The following PLEKHG1 variants were observed in gnomAD, a reference collection of about 807,000 sequenced individuals.
The protein encoded by PLEKHG1 is pleckstrin homology domain-containing family G member 1.
Under a neutral mutation model 100.8 loss-of-function variants are expected in PLEKHG1, and 44 were observed. The ratio of observed to expected loss-of-function variants is 0.44; its 90% confidence interval spans 0.34 to 0.56. The LOEUF (loss-of-function observed/expected upper bound fraction) is 0.56, where lower values mean the gene tolerates loss of function less well. Among genes scored for constraint, PLEKHG1 ranks in the 20% least tolerant of loss-of-function variants. The probability of loss-of-function intolerance (pLI) is 0.01; values close to 1 mark genes in which losing one functional copy is unlikely to be tolerated. For synonymous variants in PLEKHG1, 640 were observed against 662.5 expected (o/e 0.97, Z 0.52); for missense variants, 1,545 against 1,720.9 (o/e 0.90, Z 1.81).
intron 3 of PLEKHG1, among the ~76,000 whole-genome samples, chr6:150,693,855 T>C (rs1780440855): frequency 6.6e-6 from 1 of 152,228 alleles, no homozygotes; most frequent in Non-Finnish European, 1.5e-5. Flanking sequence ...GGCAGGGACC[T>C]CATGACTACC....
intron 3 of PLEKHG1, among the ~76,000 whole-genome samples, chr6:150,677,809 C>T (rs1057297752): frequency 2.6e-5 from 4 of 151,832 alleles, no homozygotes; most frequent in Admixed American, 1.3e-4. Context: ...CCTGGGAGTT[C>T]AGGGTTACAG....
At chr6:150,675,594 T>C (rs1779727005) in intron 3 of PLEKHG1, among the ~76,000 whole-genome samples, 1 of 152,256 alleles carries the variant, frequency 6.6e-6, no homozygotes, top group Non-Finnish European at 1.5e-5. Flanking sequence ...TTTGTTTTTG[T>C]TTTTGAGACG....
chr6:150,742,367 C>T (rs1212202421), intron 2 of PLEKHG1, among the ~76,000 whole-genome samples: 1 of 152,176 alleles, frequency 6.6e-6, no homozygotes, highest in African/African-American at 2.4e-5. Context: ...GAGTTCAAGA[C>T]CAGCCTGGCC....
At chr6:150,667,135 A>C (rs1005610010) in intron 3 of PLEKHG1, among the ~76,000 whole-genome samples, 25 of 152,086 alleles carry the variant, frequency 1.6e-4, no homozygotes, top group African/African-American at 6.0e-4. Context: ...AGGGATGCCA[A>C]GCTATTTAAA....
intron 2 of PLEKHG1, among the ~76,000 whole-genome samples, chr6:150,754,324 C>G (rs1783694697): frequency 6.6e-6 from 1 of 152,016 alleles, no homozygotes; most frequent in Admixed American, 6.6e-5. Context: ...TGAGGGGGAG[C>G]AAGACAGTGG....
At chr6:150,648,090 A>G (rs1434682284) in intron 2 of PLEKHG1, among the ~76,000 whole-genome samples, 1 of 152,072 alleles carries the variant, frequency 6.6e-6, no homozygotes, top group Admixed American at 6.5e-5. Flanking sequence ...ATTTTTCTGA[A>G]TATGATCTAT....
intron 10 of PLEKHG1, among the ~76,000 whole-genome samples, chr6:150,811,098 C>T (rs1203947073): frequency 2.6e-5 from 4 of 152,044 alleles, no homozygotes; most frequent in Admixed American, 6.6e-5. Context: ...GATACAGATT[C>T]GGCCAAGAAG....
chr6:150,815,742 A>G (rs1026169233), intron 10 of PLEKHG1, among the ~76,000 whole-genome samples: 3 of 152,248 alleles, frequency 2.0e-5, no homozygotes, highest in Non-Finnish European at 4.4e-5. Context: ...TTGTACTGGG[A>G]TATCACAGAT....
At position 150,612,478 on chromosome 6, in the gene PLEKHG1, G is replaced by A. The variant is rs143761464; in HGVS notation, c.-204+12461G>A. 9.9e-5 allele frequency among the ~76,000 whole-genome samples: 15 copies of A among 152,094 alleles called. No individual in the cohort carries two copies. The South Asian group carries it at 2.9e-3, about 29-fold the overall frequency. On this transcript the variant is annotated intron_variant, in intron 1 of 3. Transcript: ENST00000367326. ...CTCCCGAATAGCTGGGATTACAGGC[G>A]CCTGCCATCACACTTGGCTAATTTT...
intron 2 of PLEKHG1, among the ~76,000 whole-genome samples, chr6:150,749,779 A>G (rs1439087489): frequency 6.6e-6 from 1 of 152,158 alleles, no homozygotes; most frequent in African/African-American, 2.4e-5. Context: ...TTGGTAAGAA[A>G]ATGCACCCAA....
intron 1 of PLEKHG1, among the ~76,000 whole-genome samples, chr6:150,621,166 T>C (rs1339158254): frequency 1.6e-4 from 25 of 152,124 alleles, no homozygotes; most frequent in Admixed American, 1.6e-3. Flanking sequence ...GTAGAAGTAG[T>C]AGGACTTGAT....
chr6:150,612,550 C>G lies in PLEKHG1; in HGVS notation c.-204+12533C>G, dbSNP rs150611482. On this transcript the variant is annotated intron_variant, in intron 1 of 3. Coordinates refer to the PLEKHG1 transcript ENST00000367326. The stretch of plus-strand genomic sequence containing the variant: ...GTTTTGCCATGTTGTCCAGGCTGGT[C>G]TCAAACTCCTGACCTCAGGTGATTC... 9.4e-3 allele frequency among the ~76,000 whole-genome samples: 1,432 copies of G among 152,266 alleles called. 6 individuals carry two copies. Among genetic ancestry groups the G allele is most frequent in the Middle Eastern group, 0.02 (6 of 294 alleles).
intron 2 of PLEKHG1, among the ~76,000 whole-genome samples, chr6:150,743,846 A>G (rs1783009878): frequency 6.6e-6 from 1 of 151,838 alleles, no homozygotes; most frequent in African/African-American, 2.4e-5. Flanking sequence ...GCTAATAAAT[A>G]TTGGGTCTAG....
intron 3 of PLEKHG1, among the ~76,000 whole-genome samples, chr6:150,674,267 GA>G (rs149545287): frequency 1.7e-4 from 25 of 147,986 alleles, no homozygotes; most frequent in Non-Finnish European, 2.2e-4. Context: ...CCCAGTTTAG[GA>G]AAAAAAAAAT....
chr6:150,694,534 T>C (rs1780470642), intron 3 of PLEKHG1, among the ~76,000 whole-genome samples: 1 of 152,040 alleles, frequency 6.6e-6, no homozygotes, highest in East Asian at 1.9e-4. Context: ...ACCCCGTCTC[T>C]ACTAAAAATA....
intron 3 of PLEKHG1, among the ~76,000 whole-genome samples, chr6:150,668,189 A>T (rs1388583018): frequency 2.6e-5 from 4 of 152,176 alleles, no homozygotes; most frequent in Non-Finnish European, 4.4e-5. Flanking sequence ...TGTGCTTGCC[A>T]AAAGCAGACA....
At chr6:150,701,439 ATATATATATATATATATATATATATAT>A (rs1780776019) in intron 3 of PLEKHG1, among the ~76,000 whole-genome samples, 1 of 69,764 alleles carries the variant, frequency 1.4e-5, no homozygotes, top group African/African-American at 1.5e-4. Flanking sequence ...ATATATATAT[ATATATATATATATATATATATATATAT>A]AATTATACTT....
At chr6:150,720,134 G>A (rs1781604952), upstream of PLEKHG1, among the ~76,000 whole-genome samples, 1 of 152,136 alleles carries the variant, frequency 6.6e-6, no homozygotes, top group East Asian at 1.9e-4. Context: ...TCTATGCAAA[G>A]ACATAATCCA....
Position 150,659,609 on chromosome 6 carries a change from G to A in PLEKHG1, c.-99+8823G>A, listed in dbSNP as rs143164326. 1.2e-3 allele frequency among the ~76,000 whole-genome samples: 181 copies of A among 152,312 alleles called. 1 individual carries two copies. The highest frequency in any genetic ancestry group is 4.1e-3 in the African/African-American group (172 of 41,562). On this transcript the variant is annotated intron_variant, in intron 3 of 3. Transcript: ENST00000367326. ...ATGGAGCTATGGAGCAGCAGCGGGA[G>A]TAATATTATTATCTAGACCTTATCG...
Sources: gnomAD v4.1 joint callset for allele counts (sites outside exome capture counted in the v4.1 genomes callset) on GRCh38, gnomAD v4.1.1 for gene constraint, MANE v1.5 for transcripts, NCBI Gene and HGNC (gene_info 2026-07-23, HGNC 2026-07-21) for gene names.